The following EPG5 variants were observed in gnomAD, a reference collection of about 807,000 sequenced individuals.
The protein encoded by EPG5 is ectopic P granules protein 5 homolog.
In EPG5, 159 loss-of-function variants were observed where a neutral mutation model predicts 302.7. The observed-to-expected ratio is 0.53, with a 90% CI of 0.46 to 0.60. The LOEUF is 0.60. Ranked by LOEUF, EPG5 falls within the 20% of genes least tolerant of loss-of-function variation. The pLI is 0.00. For missense variants in EPG5, 2,896 were observed against 3,092.4 expected, an observed-to-expected ratio of 0.94 and a Z score of 1.51; for synonymous variants, 1,158 against 1,136.8, an observed-to-expected ratio of 1.02 and a Z score of -0.37.
chr18:45,842,453 G>GAGAGAA, the EPG5 span: 3 of 479,180 alleles, frequency 6.3e-6, no homozygotes, highest in African/African-American at 3.9e-5. Context: ...GAGAGAGAGA[G>GAGAGAA]AGAGAGAGTA....
In EPG5 at chr18:45,847,908, A is replaced by C. The variant is rs1251613626; in HGVS notation, c.*4559T>G. 1 of 152,780 alleles carries C rather than the reference A, an allele frequency of 6.5e-6. No homozygotes were observed. Among genetic ancestry groups the C allele is most frequent in the East Asian group, 1.9e-4 (1 of 5,192 alleles). The allele number at this position is 152,780 out of a possible 1,614,324, so 9.5% of individuals were successfully genotyped here. On this transcript the variant is annotated 3_prime_UTR_variant, in exon 44 of 44. Coordinates refer to ENST00000282041, the MANE Select transcript of EPG5 (RefSeq NM_020964.3). ...ATCAGTGCTCAATGAGAGACAGTAC[A>C]TCTGTACATTAAAAAATAAAAGTTA...
rs1383309349 is a variant in EPG5 at position 45,954,892 on chromosome 18, T to C, written c.510A>G (p.Ile170Met). 2.5e-6 allele frequency: 4 copies of C among 1,614,014 alleles called. No homozygotes were observed. Among genetic ancestry groups the C allele is most frequent in the Non-Finnish European group, 3.4e-6 (4 of 1,179,944 alleles). ...TACTATTCTGAGTTTCTCTGACTTG[T>C]ATATTTTCCATTGCTGGCTGAGTAT... is the stretch of plus-strand genomic sequence containing the variant. ...FSYTQPAMEN[I>M]QVRETQNSKE... Residue 170 changes from isoleucine (I) to methionine (M), a missense_variant, in exon 2 of 44, where the codon ATA becomes ATG. This residue lies in a region of EPG5 where 1,390 missense variants were observed against 1,430.0 expected (regional missense o/e 0.97). Transcript: ENST00000282041.
At chr18:45,872,253 T>C (rs1172696668) in intron 35 of EPG5, among the ~76,000 whole-genome samples, 1 of 152,206 alleles carries the variant, frequency 6.6e-6, no homozygotes, top group African/African-American at 2.4e-5. Flanking sequence ...ATTCCATTAA[T>C]GCCTTCAAGG....
chr18:45,959,188 A>T (rs1039448373), intron 1 of EPG5, among the ~76,000 whole-genome samples: 1 of 152,222 alleles, frequency 6.6e-6, no homozygotes, highest in Middle Eastern at 3.2e-3. Context: ...GGGCAGTTAC[A>T]AAATTAGCCA....
chr18:45,822,775 C>G, the EPG5 span, among the ~76,000 whole-genome samples: 1 of 152,082 alleles, frequency 6.6e-6, no homozygotes, highest in African/African-American at 2.4e-5. Context: ...ATAATCCAAT[C>G]AGAGAAAACA....
chr18:45,910,775 T>G lies in EPG5; in HGVS notation c.3984-33A>C, dbSNP rs766349662. ...AACACAAGCACAGATCTATAACCTTTCAACACAAGATGTACTTTCTGTATG... is the reference window on the plus strand; with the variant it reads ...AACACAAGCACAGATCTATAACCTTGCAACACAAGATGTACTTTCTGTATG... On this transcript the variant is annotated intron_variant, in intron 22 of 43. Coordinates refer to ENST00000282041, the MANE Select transcript of EPG5 (RefSeq NM_020964.3). 4 of 1,546,930 alleles carry G rather than the reference T, an allele frequency of 2.6e-6. 1 individual carries two copies. In the South Asian group the frequency reaches 4.5e-5, roughly 18 times the overall value.
At chr18:45,875,891 C>T (rs1384729702) in intron 35 of EPG5, among the ~76,000 whole-genome samples, 1 of 152,014 alleles carries the variant, frequency 6.6e-6, no homozygotes, top group Non-Finnish European at 1.5e-5. Flanking sequence ...CCCGTCTCTA[C>T]TAAAACTACA....
At chr18:45,886,805 C>T (rs28479138) in intron 29 of EPG5, among the ~76,000 whole-genome samples, 5,701 of 152,126 alleles carry the variant, frequency 0.037, 318 homozygotes, top group African/African-American at 0.12. Flanking sequence ...ATTATAGGCA[C>T]GCACCACCAC....
Position 45,884,687 on chromosome 18 carries a change from T to C in EPG5, c.5234A>G (p.Gln1745Arg), listed in dbSNP as rs951226268. 6.2e-7 allele frequency: 1 copy of C among 1,611,998 alleles called. No homozygotes were observed. The highest frequency in any genetic ancestry group is 1.3e-5 in the African/African-American group (1 of 74,826). Residue 1745 changes from glutamine (Q) to arginine (R), a missense_variant, in exon 30 of 44, where the codon CAG (glutamine) becomes CGG (arginine). Gln to Arg is a conservative substitution (Grantham distance 43, BLOSUM62 1). Transcript: ENST00000282041. ...AAACTTCACCACTTGCTCATACAGC[T>C]GTATGAACTCTGCAGGTGCAGCATT... ...TPNAAPAEFI[Q>R]LYEQVVKFLS...
chr18:45,806,331 C>A, the EPG5 span, among the ~76,000 whole-genome samples: 3 of 152,258 alleles, frequency 2.0e-5, no homozygotes, highest in African/African-American at 7.2e-5. Context: ...ATAAGGGGAT[C>A]ATGGTGGGCG....
chr18:45,882,853 CA>C (rs2049127326), intron 30 of EPG5, among the ~76,000 whole-genome samples: 1 of 151,752 alleles, frequency 6.6e-6, no homozygotes, highest in African/African-American at 2.4e-5. Flanking sequence ...ACTAAAAATA[CA>C]AAATTAGCCA....
At position 45,850,191 on chromosome 18, in the gene EPG5, C is replaced by T. The variant is rs565881954; in HGVS notation, c.*2276G>A. Reference sequence around the variant, plus strand: ...CTGCAGCCGTTCGCCCTCCACGCTGCTCAGTCCACAGGGCCTTGGTCTTGC... The same window carrying T: ...CTGCAGCCGTTCGCCCTCCACGCTGTTCAGTCCACAGGGCCTTGGTCTTGC... On this transcript the variant is annotated 3_prime_UTR_variant, in exon 44 of 44. Transcript: ENST00000282041. The T allele has an allele frequency of 5.1e-4, 78 of 152,578 alleles. No individual in the cohort carries two copies. The highest frequency in any genetic ancestry group is 9.1e-4 in the Non-Finnish European group (62 of 68,198). The allele number at this position is 152,578 out of a possible 1,614,324, so 9.5% of individuals were successfully genotyped here.
At position 45,944,879 on chromosome 18, in the gene EPG5, G is replaced by A. The variant is rs576436632; in HGVS notation, c.1678-760C>T. Among the ~76,000 whole-genome samples the A allele has an allele frequency of 1.8e-4, 28 of 152,308 alleles. No homozygotes were observed. In the South Asian group the frequency reaches 5.6e-3, roughly 30 times the overall value. Reference sequence around the variant, plus strand: ...GAAGCAATTGACATTTGCTATAGGTGACTAAAGTTCTGTTGTCAATTACTG... The same window carrying A: ...GAAGCAATTGACATTTGCTATAGGTAACTAAAGTTCTGTTGTCAATTACTG... On this transcript the variant is annotated intron_variant, in intron 7 of 43. Transcript: ENST00000282041.
intron 23 of EPG5, among the ~76,000 whole-genome samples, 160 bp downstream of exon 23, chr18:45,910,361 A>G (rs1322442760): frequency 6.6e-6 from 1 of 152,254 alleles, no homozygotes; most frequent in Non-Finnish European, 1.5e-5. Flanking sequence ...AACATAAAAG[A>G]GAAACATTTC....
Position 45,878,417 on chromosome 18 carries a change from C to T in EPG5, c.5901G>A (p.Gln1967=), listed in dbSNP as rs1412266984. 6.2e-7 allele frequency: 1 copy of T among 1,612,604 alleles called. No individual in the cohort carries two copies. The change falls in exon 34 of 44, where the codon CAG becomes CAA. Residue 1967 remains glutamine, a synonymous_variant. Coordinates refer to ENST00000282041, the MANE Select transcript of EPG5 (RefSeq NM_020964.3). ...AAACCAGGATCCATGGCTTAAAGAG[C>T]TGAATGATTACTGAATGTAGGGATT... ...VLKSLHSVII[Q]LFKPWILVLE...
the EPG5 span, chr18:45,825,403 T>G: frequency 2.2e-6 from 1 of 445,506 alleles, no homozygotes; most frequent in Non-Finnish European, 4.1e-6. Flanking sequence ...AAGACAACAG[T>G]TTTCTGTGAG....
chr18:45,961,543 C>G (rs1233070790), intron 1 of EPG5, among the ~76,000 whole-genome samples: 1 of 152,180 alleles, frequency 6.6e-6, no homozygotes, highest in African/African-American at 2.4e-5. Context: ...CCTTTCATGT[C>G]TTTACTTAAA....
chr18:45,964,866 T>C (rs1372367256), intron 1 of EPG5, among the ~76,000 whole-genome samples: 1 of 152,118 alleles, frequency 6.6e-6, no homozygotes, highest in Non-Finnish European at 1.5e-5. Flanking sequence ...GGCAGGAGAA[T>C]TGCTTGAAGC....
chr18:45,899,727 C>A (rs911780089), intron 26 of EPG5, among the ~76,000 whole-genome samples, 161 bp from the exon 27 acceptor site: 7 of 152,146 alleles, frequency 4.6e-5, no homozygotes, highest in African/African-American at 1.7e-4. Context: ...TTACCCAAAT[C>A]ATCCCCCAGC....
Sources: allele counts gnomAD v4.1 joint callset (sites outside exome capture counted in the v4.1 genomes callset), GRCh38; gene constraint gnomAD v4.1.1; regional missense constraint gnomAD v4.1.1; transcripts MANE v1.5; gene names NCBI Gene and HGNC (gene_info 2026-07-23, HGNC 2026-07-21).